Variants in HTR1D observed in about 807,000 individuals in gnomAD.
The protein encoded by HTR1D is 5-HT-1D.
Under a neutral mutation model 21.1 loss-of-function variants are expected in HTR1D, and 18 were observed. The observed-to-expected ratio is 0.85, with a 90% CI of 0.59 to 1.27. The LOEUF (loss-of-function observed/expected upper bound fraction) is 1.27, where lower values mean the gene tolerates loss of function less well. Among genes scored for constraint, HTR1D ranks in the 50% most tolerant of loss-of-function variants. The probability of loss-of-function intolerance (pLI) is 0.00; values close to 1 mark genes in which losing one functional copy is unlikely to be tolerated. For synonymous variants in HTR1D, 196 were observed against 204.4 expected (o/e 0.96, Z 0.35); for missense variants, 456 against 481.4 (o/e 0.95, Z 0.49).
Position 23,194,305 on chromosome 1 carries a change from TC to T in HTR1D, c.-87del. 8.0e-7 allele frequency: 1 copy of T among 1,251,244 alleles called. No individual in the cohort carries two copies. The highest frequency in any genetic ancestry group is 1.1e-6 in the Non-Finnish European group (1 of 885,278). The allele number at this position is 1,251,244 out of a possible 1,614,324, so 77.5% of individuals were successfully genotyped here. ...CCTGACAACAGAGCAAAGTCATCCT[TC>T]TGCTTCACACTGGTGGGAGCCGTAC... On this transcript the variant is annotated 5_prime_UTR_variant, in exon 2 of 2. Transcript: ENST00000374619.
At chr1:23,199,334 T>TCAA (rs957368682) in intron 1 of HTR1D, among the ~76,000 whole-genome samples, 17 of 151,552 alleles carry the variant, frequency 1.1e-4, no homozygotes, top group African/African-American at 4.1e-4. Flanking sequence ...AGGCTTGTCT[T>TCAA]CAAACTCCTG....
chr1:23,207,692 C>G (rs1391695392), intron 1 of HTR1D, among the ~76,000 whole-genome samples: 1 of 151,890 alleles, frequency 6.6e-6, no homozygotes, highest in Non-Finnish European at 1.5e-5. Context: ...CACTGGATCT[C>G]TACAAGTCTT....
At chr1:23,202,313 G>A (rs932235019) in intron 1 of HTR1D, among the ~76,000 whole-genome samples, 8 of 152,030 alleles carry the variant, frequency 5.3e-5, no homozygotes, top group African/African-American at 1.7e-4. Context: ...GGCTGGTTTC[G>A]TACTCCTGGC....
Position 23,193,408 on chromosome 1 carries a change from G to A in HTR1D, c.812C>T (p.Pro271Leu). The A allele has an allele frequency of 3.7e-6, 6 of 1,614,240 alleles. No individual in the cohort carries two copies. The highest frequency in any genetic ancestry group is 5.1e-6 in the Non-Finnish European group (6 of 1,180,058). Residue 271 changes from proline to leucine, a missense_variant, in exon 2 of 2, where the codon CCT (proline) becomes CTT (leucine). By Grantham distance (98) the Pro-to-Leu change is moderately conservative. Coordinates refer to ENST00000374619, the MANE Select transcript of HTR1D (RefSeq NM_000864.5). ...GATTTTCACGTGGTTGAAAAAGAGA[G>A]GGGAGCCAGCCGAGTGCGAGTGCCC... ...HEGHSHSAGS[P>L]LFFNHVKIKL...
chr1:23,201,228 G>C (rs1318856827), intron 1 of HTR1D, among the ~76,000 whole-genome samples: 2 of 152,186 alleles, frequency 1.3e-5, no homozygotes, highest in Non-Finnish European at 2.9e-5. Flanking sequence ...CCTGAGGCTG[G>C]AGTCAGGCTG....
intron 1 of HTR1D, among the ~76,000 whole-genome samples, chr1:23,214,557 G>A (rs1470790898): frequency 6.6e-6 from 1 of 151,992 alleles, no homozygotes; most frequent in African/African-American, 2.4e-5. Flanking sequence ...CCGTCTCTCT[G>A]ACCTCATCTC....
At chr1:23,197,388 G>T (rs954429555) in intron 1 of HTR1D, among the ~76,000 whole-genome samples, 1 of 152,148 alleles carries the variant, frequency 6.6e-6, no homozygotes, top group Admixed American at 6.5e-5. Context: ...GACATGGACT[G>T]TAGCTCTATA....
chr1:23,204,210 C>T (rs1024517805), intron 1 of HTR1D, among the ~76,000 whole-genome samples: 3 of 152,038 alleles, frequency 2.0e-5, no homozygotes, highest in Non-Finnish European at 4.4e-5. Flanking sequence ...ACTGCAAGCT[C>T]CGCCTCCCAG....
At chr1:23,198,958 C>G (rs1267336654) in intron 1 of HTR1D, among the ~76,000 whole-genome samples, 1 of 152,136 alleles carries the variant, frequency 6.6e-6, no homozygotes, top group Admixed American at 6.5e-5. Flanking sequence ...CAGGTTTAAG[C>G]GATTCTCCTG....
intron 1 of HTR1D, among the ~76,000 whole-genome samples, chr1:23,212,789 A>C (rs914794779): frequency 6.6e-6 from 1 of 150,684 alleles, no homozygotes; most frequent in African/African-American, 2.4e-5. Context: ...CTCCAAACTC[A>C]AGCCACCTCA....
intron 1 of HTR1D, among the ~76,000 whole-genome samples, chr1:23,215,659 G>T (rs1206079137): frequency 6.6e-6 from 1 of 152,208 alleles, no homozygotes; most frequent in East Asian, 1.9e-4. Flanking sequence ...ATGAGCCAGT[G>T]GTCCCGCCCT....
intron 1 of HTR1D, among the ~76,000 whole-genome samples, chr1:23,213,198 C>A (rs1277247346): frequency 6.6e-6 from 1 of 152,192 alleles, no homozygotes; most frequent in South Asian, 2.1e-4. Flanking sequence ...TCCTTACTCT[C>A]TTCCCCAGCA....
At position 23,192,011 on chromosome 1, in the gene HTR1D, G is replaced by A. The variant is rs1644659046; in HGVS notation, c.*1075C>T. Reference sequence around the variant, plus strand: ...ATTCAGAAAAAAAATTCAGAATGGTGTCCCACTCAAAGCTTGCGGTGGGTG... The same window carrying A: ...ATTCAGAAAAAAAATTCAGAATGGTATCCCACTCAAAGCTTGCGGTGGGTG... On this transcript the variant is annotated 3_prime_UTR_variant, in exon 2 of 2. Coordinates refer to ENST00000374619, the MANE Select transcript of HTR1D (RefSeq NM_000864.5). 1 of 145,848 alleles carries A rather than the reference G, an allele frequency of 6.9e-6. No homozygotes were observed. The highest frequency in any genetic ancestry group is 2.5e-5 in the African/African-American group (1 of 40,216). 9.0% of individuals were successfully genotyped at this position (145,848 alleles called of 1,614,324 possible). A position where few individuals can be genotyped will look rare whatever the true frequency, so the allele number is the denominator to read the frequency against.
At chr1:23,208,543 C>T (rs1458812245) in intron 1 of HTR1D, among the ~76,000 whole-genome samples, 2 of 151,344 alleles carry the variant, frequency 1.3e-5, no homozygotes, top group East Asian at 3.9e-4. Context: ...TGCACTCTAG[C>T]CTGGGCAACA....
rs762817111 is a variant in HTR1D, at chr1:23,193,263, C to T, written c.957G>A (p.Val319=). The part of the protein sequence containing the change: ...AFIICWLPFF[V]VSLVLPICRD... ...GGCAGATGGGGAGGACCAGAGACAC[C>T]ACGAAGAAGGGCAGCCAGCAGATGA... Residue 319 remains valine, a synonymous_variant, in exon 2 of 2, where the codon GTG becomes GTA. Transcript: ENST00000374619. 2.5e-6 allele frequency: 4 copies of T among 1,614,090 alleles called. No individual in the cohort carries two copies. In the South Asian group the frequency reaches 3.3e-5, roughly 13 times the overall value.
chr1:23,195,322 C>T (rs776686368), intron 1 of HTR1D, among the ~76,000 whole-genome samples: 14 of 151,924 alleles, frequency 9.2e-5, no homozygotes, highest in South Asian at 4.1e-4. Flanking sequence ...ACACAGGGAA[C>T]GATAAAGGCC....
Position 23,192,115 on chromosome 1 carries a change from C to G in HTR1D, c.*971G>C, listed in dbSNP as rs1644659642. 6.6e-6 allele frequency: 1 copy of G among 152,114 alleles called. No homozygotes were observed. Among genetic ancestry groups the G allele is most frequent in the South Asian group, 2.1e-4 (1 of 4,820 alleles). The allele number at this position is 152,114 out of a possible 1,614,324, so 9.4% of individuals were successfully genotyped here. A position where few individuals can be genotyped will look rare whatever the true frequency, so the allele number is the denominator to read the frequency against. ...TCAACTTCAGAATGTGAAGATGGCG[C>G]AGGCATATTGGGGAAGAAGGAAGGG... On this transcript the variant is annotated 3_prime_UTR_variant, in exon 2 of 2. Transcript: ENST00000374619.
chr1:23,207,809 T>C (rs1644738030), intron 1 of HTR1D, among the ~76,000 whole-genome samples: 1 of 144,692 alleles, frequency 6.9e-6, no homozygotes, highest in Non-Finnish European at 1.5e-5. Context: ...TCACCAAGAC[T>C]GGAGTACAGT....
chr1:23,194,144 A>T lies in HTR1D; in HGVS notation c.76T>A (p.Ser26Thr). Residue 26 changes from serine to threonine, a missense_variant, in exon 2 of 2, where the codon TCA becomes ACA. By Grantham distance (58) the Ser-to-Thr change is moderately conservative (BLOSUM62 1). Coordinates refer to ENST00000374619, the MANE Select transcript of HTR1D (RefSeq NM_000864.5). Reference protein sequence around the residue: ...SNRSLNATETSEAWDPRTLQA... With the variant: ...SNRSLNATETTEAWDPRTLQA... ...AGGGTCCTGGGATCCCAAGCCTCTG[A>T]GGTTTCTGTGGCATTCAGGGATCTG... The T allele has an allele frequency of 2.5e-6, 4 of 1,614,066 alleles. No homozygotes were observed. The highest frequency in any genetic ancestry group is 3.4e-6 in the Non-Finnish European group (4 of 1,180,014).
Sources: allele counts gnomAD v4.1 joint callset (sites outside exome capture counted in the v4.1 genomes callset), GRCh38; gene constraint gnomAD v4.1.1; transcripts MANE v1.5; gene names NCBI Gene and HGNC (gene_info 2026-07-23, HGNC 2026-07-21).